The following SLC16A2 variants were observed in gnomAD, a reference collection of about 807,000 sequenced individuals.
The protein encoded by SLC16A2 is solute carrier family 16 member 2.
Under a neutral mutation model 27.2 loss-of-function variants are expected in SLC16A2, and 3 were observed. The observed-to-expected ratio is 0.11, with a 90% CI of 0.05 to 0.28. The LOEUF is 0.28. Ranked by LOEUF, SLC16A2 falls within the 10% of genes least tolerant of loss-of-function variation. SLC16A2 has a pLI of 1.00. For synonymous variants in SLC16A2, 202 were observed against 187.8 expected (o/e 1.08, Z -0.62); for missense variants, 295 against 458.5 (o/e 0.64, Z 3.26).
intron 1 of SLC16A2, among the ~76,000 whole-genome samples, chrX:74,476,540 A>T (rs1929482392): frequency 8.9e-6 from 1 of 112,018 alleles, no homozygotes; most frequent in African/African-American, 3.2e-5. Context: ...GAGAGAGGGC[A>T]TCCCTGTCTT....
rs3815022 is a variant in SLC16A2, at chrX:74,520,371, A to C, written c.431-619A>C. Among the ~76,000 whole-genome samples the C allele has an allele frequency of 3.5e-4, 39 of 112,027 alleles. 1 individual carries two copies. The East Asian group carries it at 0.01, about 30-fold the overall frequency. On this transcript the variant is annotated intron_variant, in intron 1 of 5. Transcript: ENST00000587091. Reference sequence around the variant, plus strand: ...AAGGGAAACAGTCTGGAAGAATCTAAATAAAAGGGCAAGTTCCTTCCTCCT... The same window carrying C: ...AAGGGAAACAGTCTGGAAGAATCTACATAAAAGGGCAAGTTCCTTCCTCCT...
chrX:74,490,020 A>G (rs1278532174), intron 1 of SLC16A2, among the ~76,000 whole-genome samples: 1 of 93,649 alleles, frequency 1.1e-5, no homozygotes, highest in Admixed American at 1.3e-4. Flanking sequence ...CAAAGATCCT[A>G]TGGCTTTTAC....
chrX:74,509,171 C>T (rs1256300330), intron 1 of SLC16A2, among the ~76,000 whole-genome samples: 1 of 110,833 alleles, frequency 9.0e-6, no homozygotes, highest in African/African-American at 3.3e-5. Flanking sequence ...ACTATGTTGC[C>T]CAGGCTGGTC....
Position 74,483,146 on chromosome X carries a change from G to A in SLC16A2, c.431-37844G>A, listed in dbSNP as rs1450122334. 3.6e-5 allele frequency among the ~76,000 whole-genome samples: 4 copies of A among 111,404 alleles called. No homozygotes were observed. In the East Asian group the frequency reaches 1.1e-3, roughly 32 times the overall value. On this transcript the variant is annotated intron_variant, in intron 1 of 5. Coordinates refer to ENST00000587091, the MANE Select transcript of SLC16A2 (RefSeq NM_006517.5). ...TACAGCCTCTGTGTCACTCCTCAGA[G>A]GTCACAGTCTTGGGCATGTACACAG... is the stretch of plus-strand genomic sequence containing the variant.
intron 1 of SLC16A2, among the ~76,000 whole-genome samples, chrX:74,496,959 C>G (rs371178699): frequency 1.1e-4 from 12 of 111,605 alleles, no homozygotes; most frequent in African/African-American, 3.9e-4. Flanking sequence ...GGACGTCCAG[C>G]TGCCCCTGTG....
At chrX:74,458,359 T>C (rs192876218) in intron 1 of SLC16A2, among the ~76,000 whole-genome samples, 27 of 111,921 alleles carry the variant, frequency 2.4e-4, no homozygotes, top group African/African-American at 8.4e-4. Flanking sequence ...ATTTACTTTT[T>C]CTTTTTGAGT....
chrX:74,475,029 G>C (rs2147853724), intron 1 of SLC16A2, among the ~76,000 whole-genome samples: 1 of 110,989 alleles, frequency 9.0e-6, no homozygotes, highest in East Asian at 2.8e-4. Flanking sequence ...GGTATTTCTG[G>C]TTCTAGATCC....
At chrX:74,483,123 C>T (rs1929655199) in intron 1 of SLC16A2, among the ~76,000 whole-genome samples, 2 of 111,409 alleles carry the variant, frequency 1.8e-5, no homozygotes, top group South Asian at 7.6e-4. Flanking sequence ...CTGCAGCATA[C>T]AGCCTCTGTG....
Position 74,525,689 on chromosome X carries a change from T to C in SLC16A2, c.1027-61T>C, listed in dbSNP as rs766448994. The C allele has an allele frequency of 7.6e-6, 9 of 1,182,160 alleles. No individual in the cohort carries two copies. In the East Asian group the frequency reaches 2.7e-4, roughly 35 times the overall value. ...TAGGGGATTCTGGATATGCCTACAG[T>C]TAACCAGTCAGCTCCTCTTTCTCCT... On this transcript the variant is annotated intron_variant, in intron 3 of 5. Coordinates refer to ENST00000587091, the MANE Select transcript of SLC16A2 (RefSeq NM_006517.5).
At chrX:74,439,654 C>T (rs911119626) in intron 1 of SLC16A2, among the ~76,000 whole-genome samples, 1 of 108,068 alleles carries the variant, frequency 9.3e-6, no homozygotes, top group African/African-American at 3.4e-5. Flanking sequence ...CTCTTTGCCA[C>T]TGCTTTTTAT....
intron 1 of SLC16A2, among the ~76,000 whole-genome samples, chrX:74,492,745 C>G (rs767481592): frequency 1.8e-4 from 20 of 111,547 alleles, no homozygotes; most frequent in African/African-American, 6.2e-4. Flanking sequence ...CTCTCCACCC[C>G]CAACGTCCAG....
chrX:74,438,456 C>T (rs1287534589), intron 1 of SLC16A2, among the ~76,000 whole-genome samples: 1 of 113,011 alleles, frequency 8.8e-6, no homozygotes, highest in Non-Finnish European at 1.9e-5. Flanking sequence ...CGTGTATAAG[C>T]AACCACTTAT....
chrX:74,428,062 CAGTGGGGCTGGGAAACTTTATTGCA>C (rs1436905660), intron 1 of SLC16A2, among the ~76,000 whole-genome samples: 1 of 110,986 alleles, frequency 9.0e-6, no homozygotes, highest in Admixed American at 9.5e-5. Flanking sequence ...AACTCCCCAG[CAGTGGGGCTGGGAAACTTTATTGCA>C]AGTCTCTTTC....
rs1360209944 is a variant in SLC16A2, at chrX:74,438,463, T to TTA, written c.430+16400_430+16401dup. On this transcript the variant is annotated intron_variant, in intron 1 of 5. Coordinates refer to ENST00000587091, the MANE Select transcript of SLC16A2 (RefSeq NM_006517.5). ...GATGCACACGTGTATAAGCAACCAC[T>TTA]TATATGTACAAAACTACACATACAT... Among the ~76,000 whole-genome samples the TTA allele has an allele frequency of 1.9e-4, 22 of 113,007 alleles. No homozygotes were observed. In the Admixed American group the frequency reaches 2.1e-3, roughly 11 times the overall value.
intron 4 of SLC16A2, among the ~76,000 whole-genome samples, chrX:74,526,385 G>A (rs907421599): frequency 7.1e-5 from 8 of 111,890 alleles, no homozygotes; most frequent in African/African-American, 2.6e-4. Context: ...CATCAGGAAG[G>A]TGATTGAGTT....
chrX:74,488,202 C>T (rs1483782156), intron 1 of SLC16A2, among the ~76,000 whole-genome samples: 1 of 111,506 alleles, frequency 9.0e-6, no homozygotes, highest in Non-Finnish European at 1.9e-5. Flanking sequence ...AGTGAAATGT[C>T]ACTTCCATAT....
intron 1 of SLC16A2, among the ~76,000 whole-genome samples, chrX:74,438,439 A>T (rs1928664686): frequency 8.8e-6 from 1 of 113,236 alleles, no homozygotes; most frequent in South Asian, 3.6e-4. Context: ...ACCACCCATG[A>T]TGCACACGTG....
chrX:74,518,850 G>A (rs1041537099), intron 1 of SLC16A2, among the ~76,000 whole-genome samples: 6 of 111,635 alleles, frequency 5.4e-5, no homozygotes, highest in East Asian at 2.8e-4. Flanking sequence ...GGTGGATACC[G>A]GTCTATTGTC....
intron 1 of SLC16A2, among the ~76,000 whole-genome samples, chrX:74,501,869 G>T (rs990251854): frequency 1.8e-5 from 2 of 111,576 alleles, no homozygotes; most frequent in Non-Finnish European, 3.8e-5. Context: ...TGTAAATGAT[G>T]AATTAATGGG....
Sources: allele counts gnomAD v4.1 joint callset (sites outside exome capture counted in the v4.1 genomes callset), GRCh38; gene constraint gnomAD v4.1.1; transcripts MANE v1.5; gene names NCBI Gene and HGNC (gene_info 2026-07-23, HGNC 2026-07-21).